The following CBR4 variants were observed in gnomAD, a reference collection of about 807,000 sequenced individuals.
CBR4 encodes carbonyl reductase 4.
CBR4 carries 22 observed loss-of-function variants against 21.0 expected under a neutral mutation model. The observed-to-expected ratio is 1.05, with a 90% CI of 0.75 to 1.50. The LOEUF (loss-of-function observed/expected upper bound fraction) is 1.50, where lower values mean the gene tolerates loss of function less well. Ranked by LOEUF, CBR4 falls within the 40% of genes most tolerant of loss-of-function variation. The pLI is 0.00. For missense variants in CBR4, 302 were observed against 286.3 expected, an observed-to-expected ratio of 1.05 and a Z score of -0.40; for synonymous variants, 100 against 104.4, an observed-to-expected ratio of 0.96 and a Z score of 0.26.
chr4:168,896,993 G>C (rs1430022385), intron 2 of CBR4, among the ~76,000 whole-genome samples: 3 of 152,010 alleles, frequency 2.0e-5, no homozygotes. Context: ...CAACATGCCT[G>C]GCTAATTTTG....
intron 2 of CBR4, among the ~76,000 whole-genome samples, chr4:168,950,255 T>C (rs1763502878): frequency 6.6e-6 from 1 of 152,172 alleles, no homozygotes; most frequent in South Asian, 2.1e-4. Context: ...GCTATGAACT[T>C]TCCTCTTAGC....
intron 2 of CBR4, among the ~76,000 whole-genome samples, chr4:168,918,783 C>G (rs1760795982): frequency 6.6e-6 from 1 of 152,114 alleles, no homozygotes; most frequent in African/African-American, 2.4e-5. Flanking sequence ...GAATTACATA[C>G]AATTTTTATC....
rs1060502973 is a variant in CBR4 at position 168,894,681 on chromosome 4, C to T, written n.254G>A. 3.1e-6 allele frequency: 5 copies of T among 1,611,694 alleles called. No individual in the cohort carries two copies. Among genetic ancestry groups the T allele is most frequent in the Non-Finnish European group, 3.4e-6 (4 of 1,178,936 alleles). ...AGAAGAGGAAACAGCTAATCAGGTACCATGTTGCTCTGGACTTCTTAGGGT... is the reference window on the plus strand; with the variant it reads ...AGAAGAGGAAACAGCTAATCAGGTATCATGTTGCTCTGGACTTCTTAGGGT... On this transcript the variant is annotated non_coding_transcript_exon_variant, in exon 3 of 4. Coordinates refer to the CBR4 transcript ENST00000509108.
intron 2 of CBR4, 132 bp downstream of exon 2, chr4:169,007,503 TG>T (rs1731004106): frequency 4.2e-6 from 2 of 470,988 alleles, no homozygotes; most frequent in Non-Finnish European, 6.9e-6. Context: ...ATTTATGGAT[TG>T]ACAAGTTTTA....
chr4:168,929,590 C>G (rs1762905199), intron 2 of CBR4, among the ~76,000 whole-genome samples: 1 of 152,140 alleles, frequency 6.6e-6, no homozygotes, highest in Middle Eastern at 3.4e-3. Flanking sequence ...TAGTTTGACC[C>G]CTTTAAATTA....
intron 2 of CBR4, among the ~76,000 whole-genome samples, chr4:168,982,438 C>T (rs191737658): frequency 6.6e-6 from 1 of 152,110 alleles, no homozygotes; most frequent in Non-Finnish European, 1.5e-5. Flanking sequence ...TAGAGACTTA[C>T]AAAGAGATGT....
At chr4:168,912,462 A>C (rs1000969154) in intron 2 of CBR4, among the ~76,000 whole-genome samples, 1 of 152,242 alleles carries the variant, frequency 6.6e-6, no homozygotes, top group Non-Finnish European at 1.5e-5. Flanking sequence ...CAGTGAAAAA[A>C]ACAAATTAAG....
chr4:168,989,470 T>G lies in CBR4; in HGVS notation c.*680A>C, dbSNP rs768336539. The G allele has an allele frequency of 5.6e-5, 55 of 985,272 alleles. No individual in the cohort carries two copies. The highest frequency in any genetic ancestry group is 6.0e-5 in the Non-Finnish European group (50 of 829,898). 61.0% of individuals were successfully genotyped at this position (985,272 alleles called of 1,614,324 possible). On this transcript the variant is annotated 3_prime_UTR_variant, in exon 5 of 5. Coordinates refer to ENST00000306193, the MANE Select transcript of CBR4 (RefSeq NM_032783.5). ...ACCACTCAAAGAAATCAATTCTAAA[T>G]TCATGTCTTTAATGAATACTATGTT...
intron 2 of CBR4, chr4:168,927,189 G>GAATC (rs1363457314): frequency 2.5e-4 from 58 of 230,362 alleles, no homozygotes; most frequent in Non-Finnish European, 4.8e-4. Flanking sequence ...GTATTTGGAG[G>GAATC]AATCAGGGGT....
chr4:168,997,107 T>C (rs1480449343), intron 4 of CBR4, among the ~76,000 whole-genome samples: 1 of 148,160 alleles, frequency 6.7e-6, no homozygotes, highest in Non-Finnish European at 1.5e-5. Flanking sequence ...CTCCCCTTTT[T>C]GCTAGGTATA....
rs975031535 is a variant in CBR4, at chr4:168,987,968, C to A, written c.*2182G>T. 16 of 985,356 alleles carry A rather than the reference C, an allele frequency of 1.6e-5. No individual in the cohort carries two copies. The Admixed American group carries it at 6.8e-4, about 42-fold the overall frequency. 61.0% of individuals were successfully genotyped at this position (985,356 alleles called of 1,614,324 possible). A position where few individuals can be genotyped will look rare whatever the true frequency, so the allele number is the denominator to read the frequency against. On this transcript the variant is annotated 3_prime_UTR_variant, in exon 5 of 5. Transcript: ENST00000306193. ...ACCTATAAACCTTATTTTGTTAATG[C>A]TAAGCACAGAACCCTTATGGGCTCA...
intron 2 of CBR4, among the ~76,000 whole-genome samples, chr4:168,899,917 CAAA>C (rs1172762037): frequency 1.8e-5 from 2 of 109,008 alleles, no homozygotes; most frequent in Non-Finnish European, 1.9e-5. Flanking sequence ...GACTCCGTCT[CAAA>C]AAAAAAAAAA....
At chr4:168,924,877 A>G (rs996863687) in intron 2 of CBR4, 8 of 1,493,832 alleles carry the variant, frequency 5.4e-6, no homozygotes, top group Middle Eastern at 1.7e-4. Context: ...CTAATTAAAA[A>G]TGATGCTTCA....
chr4:168,896,195 C>T (rs531879815), intron 2 of CBR4, among the ~76,000 whole-genome samples: 15 of 138,880 alleles, frequency 1.1e-4, no homozygotes, highest in South Asian at 2.4e-4. Context: ...GGTGACAGAG[C>T]GAGACTCCAT....
Position 168,989,343 on chromosome 4 carries a change from A to C in CBR4, c.*807T>G. ...TACTGTACCAGGTATTAAAACCTTAAGGGCTAATCCTCTTCACTTATGAGA... is the reference window on the plus strand; with the variant it reads ...TACTGTACCAGGTATTAAAACCTTACGGGCTAATCCTCTTCACTTATGAGA... On this transcript the variant is annotated 3_prime_UTR_variant, in exon 5 of 5. Coordinates refer to ENST00000306193, the MANE Select transcript of CBR4 (RefSeq NM_032783.5). 1 of 985,404 alleles carries C rather than the reference A, an allele frequency of 1.0e-6. No individual in the cohort carries two copies. Among genetic ancestry groups the C allele is most frequent in the Non-Finnish European group, 1.2e-6 (1 of 829,888 alleles). 61.0% of individuals were successfully genotyped at this position (985,404 alleles called of 1,614,324 possible). A position where few individuals can be genotyped will look rare whatever the true frequency, so the allele number is the denominator to read the frequency against.
chr4:168,998,065 C>A (rs1002843419), intron 4 of CBR4, among the ~76,000 whole-genome samples: 11 of 152,110 alleles, frequency 7.2e-5, no homozygotes, highest in African/African-American at 2.7e-4. Flanking sequence ...CAAACTCATG[C>A]AAATCTTTGT....
chr4:168,958,553 G>C (rs148966983), intron 2 of CBR4, among the ~76,000 whole-genome samples: 2 of 152,274 alleles, frequency 1.3e-5, no homozygotes, highest in South Asian at 2.1e-4. Flanking sequence ...GTGTGAACAC[G>C]TATTTTTATT....
intron 2 of CBR4, among the ~76,000 whole-genome samples, chr4:168,916,364 C>T (rs1375747366): frequency 6.6e-6 from 1 of 152,002 alleles, no homozygotes; most frequent in Non-Finnish European, 1.5e-5. Flanking sequence ...GAGCTATGAT[C>T]GAGCCACTGA....
At chr4:168,933,528 A>G (rs1226851079) in intron 2 of CBR4, among the ~76,000 whole-genome samples, 1 of 152,228 alleles carries the variant, frequency 6.6e-6, no homozygotes, top group Non-Finnish European at 1.5e-5. Flanking sequence ...ATATTATTAG[A>G]TCTAAAAGGA....
Sources: allele counts gnomAD v4.1 joint callset (sites outside exome capture counted in the v4.1 genomes callset), GRCh38; gene constraint gnomAD v4.1.1; transcripts MANE v1.5; gene names NCBI Gene and HGNC (gene_info 2026-07-23, HGNC 2026-07-21).